The following SGCD variants were observed in gnomAD, a reference collection of about 807,000 sequenced individuals.
The protein encoded by SGCD is delta-sarcoglycan.
Under a neutral mutation model 36.6 loss-of-function variants are expected in SGCD, and 18 were observed. The observed-to-expected ratio is 0.49, with a 90% confidence interval of 0.34 to 0.73. The LOEUF (loss-of-function observed/expected upper bound fraction) is 0.73, where lower values mean the gene tolerates loss of function less well. SGCD is among the 30% of genes least tolerant of loss of function. The probability of loss-of-function intolerance (pLI) is 0.01; values close to 1 mark genes in which losing one functional copy is unlikely to be tolerated. For missense variants in SGCD, 387 were observed against 346.7 expected, an observed-to-expected ratio of 1.12 and a Z score of -0.92; for synonymous variants, 133 against 130.6, an observed-to-expected ratio of 1.02 and a Z score of -0.12.
At chr5:156,292,543 A>G (rs2312060) in intron 3 of SGCD, among the ~76,000 whole-genome samples, 13,512 of 152,164 alleles carry the variant, frequency 0.089, 1,769 homozygotes, top group African/African-American at 0.29. Context: ...TATTGTAAAC[A>G]ATGCTGCTAT....
intron 7 of SGCD, among the ~76,000 whole-genome samples, chr5:156,749,812 G>A (rs1419357827): frequency 3.3e-5 from 5 of 152,036 alleles, no homozygotes; most frequent in Non-Finnish European, 7.4e-5. Flanking sequence ...TGCCCAGAGG[G>A]TTTATCAATG....
intron 1 of SGCD, among the ~76,000 whole-genome samples, chr5:155,928,064 G>A (rs1016891961): frequency 3.3e-5 from 5 of 152,162 alleles, no homozygotes; most frequent in Admixed American, 6.5e-5. Context: ...TGTAAAATAG[G>A]CATTAGAAGA....
At chr5:156,184,886 T>C (rs1763697515) in intron 3 of SGCD, among the ~76,000 whole-genome samples, 1 of 152,172 alleles carries the variant, frequency 6.6e-6, no homozygotes, top group Non-Finnish European at 1.5e-5. Flanking sequence ...AAGCTGAGAT[T>C]GGGTCTTGTA....
At chr5:156,212,163 C>A (rs182616793) in intron 3 of SGCD, among the ~76,000 whole-genome samples, 60 of 152,092 alleles carry the variant, frequency 3.9e-4, no homozygotes, top group Non-Finnish European at 1.5e-5. Flanking sequence ...CCTTACCTAT[C>A]GATGACTACC....
chr5:156,403,673 C>T (rs1772270251), intron 3 of SGCD, among the ~76,000 whole-genome samples: 1 of 152,144 alleles, frequency 6.6e-6, no homozygotes, highest in East Asian at 1.9e-4. Context: ...TCATTACTCT[C>T]AGATAAATTC....
chr5:155,765,719 T>C, the SGCD span, among the ~76,000 whole-genome samples: 1 of 152,196 alleles, frequency 6.6e-6, no homozygotes, highest in Admixed American at 6.5e-5. Flanking sequence ...GGAGGAGTAA[T>C]TAAAAAAACA....
chr5:156,615,917 G>A (rs1016400012), intron 6 of SGCD, among the ~76,000 whole-genome samples: 4 of 152,166 alleles, frequency 2.6e-5, no homozygotes, highest in African/African-American at 7.2e-5. Flanking sequence ...GAGGAGGGAA[G>A]AAAAATATAG....
chr5:156,027,017 A>C, intron 1 of SGCD, among the ~76,000 whole-genome samples: 1 of 152,228 alleles, frequency 6.6e-6, no homozygotes. Context: ...GATAGTTTGC[A>C]GACTGTTAGC....
At chr5:156,087,047 G>A (rs1400657462) in intron 1 of SGCD, among the ~76,000 whole-genome samples, 1 of 152,196 alleles carries the variant, frequency 6.6e-6, no homozygotes, top group Non-Finnish European at 1.5e-5. Flanking sequence ...AAGCCTCTGG[G>A]AAAGTCTATC....
chr5:156,643,340 G>C (rs73301135), intron 6 of SGCD, among the ~76,000 whole-genome samples: 5,133 of 152,080 alleles, frequency 0.034, 283 homozygotes, highest in African/African-American at 0.12. Context: ...CCAATTACTA[G>C]TTGTTTAAAC....
intron 1 of SGCD, among the ~76,000 whole-genome samples, chr5:155,890,523 G>A (rs1051059803): frequency 1.8e-4 from 28 of 152,164 alleles, no homozygotes; most frequent in African/African-American, 6.5e-4. Context: ...GGGGAGGATT[G>A]CATGAGCCCG....
At chr5:156,456,908 T>C (rs886550153) in intron 3 of SGCD, among the ~76,000 whole-genome samples, 2 of 152,338 alleles carry the variant, frequency 1.3e-5, no homozygotes, top group South Asian at 4.1e-4. Flanking sequence ...GGTTAGAATA[T>C]AGACAAAATT....
chr5:155,765,856 C>T, the SGCD span, among the ~76,000 whole-genome samples: 1 of 152,128 alleles, frequency 6.6e-6, no homozygotes, highest in East Asian at 1.9e-4. Context: ...AGAAATTAAG[C>T]TGTGGTTGGC....
At chr5:156,303,154 C>G (rs147510066) in intron 3 of SGCD, among the ~76,000 whole-genome samples, 78 of 152,276 alleles carry the variant, frequency 5.1e-4, no homozygotes, top group African/African-American at 1.8e-3. Flanking sequence ...ACTTGGTGCT[C>G]CATTCTACTA....
At chr5:156,259,672 CA>C (rs1304167476) in intron 3 of SGCD, among the ~76,000 whole-genome samples, 1 of 152,062 alleles carries the variant, frequency 6.6e-6, no homozygotes, top group Non-Finnish European at 1.5e-5. Context: ...ATATGTCCCC[CA>C]CATTTCTTGT....
chr5:156,156,493 A>C (rs1488569685), intron 3 of SGCD, among the ~76,000 whole-genome samples: 4 of 151,508 alleles, frequency 2.6e-5, no homozygotes, highest in Admixed American at 2.0e-4. Flanking sequence ...GCGTGGTGGC[A>C]TGCGCCAGTA....
At chr5:156,492,322 T>A (rs1755981368) in intron 3 of SGCD, among the ~76,000 whole-genome samples, 1 of 152,102 alleles carries the variant, frequency 6.6e-6, no homozygotes, top group Non-Finnish European at 1.5e-5. Context: ...CATAAGGAAT[T>A]GGCTCATGTG....
the SGCD span, among the ~76,000 whole-genome samples, chr5:155,758,471 C>A: frequency 6.6e-6 from 1 of 152,142 alleles, no homozygotes; most frequent in Admixed American, 6.5e-5. Flanking sequence ...AGTGTAGTTT[C>A]GCATTTCATG....
chr5:155,910,075 T>G (rs1756599959), intron 1 of SGCD, among the ~76,000 whole-genome samples: 1 of 152,060 alleles, frequency 6.6e-6, no homozygotes, highest in Non-Finnish European at 1.5e-5. Context: ...ATTATGAATT[T>G]GTGGTTTTTA....
Sources: allele counts gnomAD v4.1 joint callset (sites outside exome capture counted in the v4.1 genomes callset), GRCh38; gene constraint gnomAD v4.1.1; transcripts MANE v1.5; gene names NCBI Gene and HGNC (gene_info 2026-07-23, HGNC 2026-07-21).